Variants in PZP observed in about 807,000 individuals in gnomAD.
The protein encoded by PZP is PZP alpha-2-macroglobulin like.
PZP carries 150 observed loss-of-function variants against 179.8 expected under a neutral mutation model. That is an observed-to-expected ratio of 0.83 (90% CI 0.73 to 0.96). The LOEUF is 0.96. Among genes scored for constraint, PZP ranks in the 40% least tolerant of loss-of-function variants. PZP has a pLI of 0.00. For synonymous variants in PZP, 624 were observed against 652.3 expected (o/e 0.96, Z 0.66); for missense variants, 1,689 against 1,764.0 (o/e 0.96, Z 0.76).
downstream of PZP, among the ~76,000 whole-genome samples, chr12:9,147,405 T>C (rs11611335): frequency 0.032 from 4,843 of 152,304 alleles, 106 homozygotes; most frequent in South Asian, 0.08. Context: ...GGGGCCTCTT[T>C]CTAATTGTAT....
intron 1 of PZP, among the ~76,000 whole-genome samples, chr12:9,206,341 A>T (rs777848400): frequency 2.1e-4 from 32 of 152,002 alleles, no homozygotes; most frequent in Non-Finnish European, 1.6e-4. Flanking sequence ...CATATATTTG[A>T]TATTCTAAAG....
chr12:9,164,481 T>C (rs1941445949), intron 19 of PZP, among the ~76,000 whole-genome samples: 1 of 152,214 alleles, frequency 6.6e-6, no homozygotes, highest in Non-Finnish European at 1.5e-5. Context: ...TAGGGTAGCT[T>C]GTGGACGTGC....
intron 17 of PZP, 28 bp downstream of exon 17, chr12:9,168,841 T>C (rs1445939966): frequency 5.2e-6 from 8 of 1,536,050 alleles, no homozygotes; most frequent in Non-Finnish European, 7.2e-6. Context: ...GGACATGAAA[T>C]AAAATTAAAA....
intron 7 of PZP, 131 bp downstream of exon 7, chr12:9,200,233 T>C: frequency 1.9e-6 from 1 of 533,256 alleles, no homozygotes; most frequent in Non-Finnish European, 3.2e-6. Context: ...AGTAAGTCGT[T>C]AAATAAAGAG....
At chr12:9,155,284 C>A (rs1381205565) in intron 28 of PZP, among the ~76,000 whole-genome samples, 1 of 151,998 alleles carries the variant, frequency 6.6e-6, no homozygotes, top group Non-Finnish European at 1.5e-5. Flanking sequence ...GTTTGTTGTA[C>A]CTCTTTTCTT....
chr12:9,208,361 G>T lies in PZP; in HGVS notation c.-20C>A. On this transcript the variant is annotated 5_prime_UTR_variant, in exon 1 of 36. Coordinates refer to ENST00000261336, the MANE Select transcript of PZP (RefSeq NM_002864.3). Reference sequence around the variant, plus strand: ...CCGCATTGTGAGGGATAAATCTCAGGGTTGTGTCCAACTCTCTGCCCTCAG... The same window carrying T: ...CCGCATTGTGAGGGATAAATCTCAGTGTTGTGTCCAACTCTCTGCCCTCAG... 1 of 1,599,688 alleles carries T rather than the reference G, an allele frequency of 6.3e-7. No homozygotes were observed. Among genetic ancestry groups the T allele is most frequent in the Non-Finnish European group, 8.6e-7 (1 of 1,167,516 alleles).
intron 1 of PZP, among the ~76,000 whole-genome samples, chr12:9,207,054 T>A (rs1944470914): frequency 6.6e-6 from 1 of 152,170 alleles, no homozygotes; most frequent in Non-Finnish European, 1.5e-5. Context: ...GCCAGGAAAT[T>A]GTGCAAGGAA....
At chr12:9,202,461 A>G (rs1223569554) in intron 3 of PZP, 64 bp downstream of exon 3, 4 of 1,612,128 alleles carry the variant, frequency 2.5e-6, no homozygotes, top group Middle Eastern at 1.6e-4. Context: ...AGGATAATGG[A>G]GACTTTGGCT....
intron 11 of PZP, among the ~76,000 whole-genome samples, chr12:9,193,513 C>T (rs1002342967): frequency 2.0e-5 from 3 of 152,122 alleles, no homozygotes; most frequent in Non-Finnish European, 4.4e-5. Flanking sequence ...GAGTGAGTGT[C>T]TATCACATAG....
At chr12:9,143,741 G>A in the PZP span, among the ~76,000 whole-genome samples, 15 of 152,132 alleles carry the variant, frequency 9.9e-5, no homozygotes, top group Admixed American at 4.6e-4. Flanking sequence ...GCCCGGCCAC[G>A]TTGCAATAAA....
chr12:9,180,869 C>A (rs767191409), intron 15 of PZP, 114 bp downstream of exon 15: 18 of 1,189,904 alleles, frequency 1.5e-5, no homozygotes, highest in Non-Finnish European at 1.9e-5. Context: ...AGGCAACCTA[C>A]AAAATGGGAG....
intron 21 of PZP, among the ~76,000 whole-genome samples, chr12:9,163,000 A>G (rs1464200276): frequency 6.6e-6 from 1 of 152,172 alleles, no homozygotes; most frequent in Non-Finnish European, 1.5e-5. Context: ...TGCATCATTC[A>G]GCTCCCACTT....
At chr12:9,204,993 AG>A (rs1176892936) in intron 1 of PZP, among the ~76,000 whole-genome samples, 25 of 152,220 alleles carry the variant, frequency 1.6e-4, no homozygotes, top group African/African-American at 6.0e-4. Context: ...GTTACTCAGG[AG>A]GCTGAGGCAA....
At position 9,160,038 on chromosome 12, in the gene PZP, G is replaced by C. The variant is rs762762028; in HGVS notation, c.3050-13C>G. The stretch of plus-strand genomic sequence containing the variant: ...TGTCTCTGGTAACCTGAAATGGAAG[G>C]CTTCAGATTGTTCATGAAGCATTAA... On this transcript the variant is annotated splice_polypyrimidine_tract_variant and intron_variant, in intron 24 of 35. Transcript: ENST00000261336. 5.0e-6 allele frequency: 8 copies of C among 1,605,492 alleles called. No individual in the cohort carries two copies. The highest frequency in any genetic ancestry group is 1.3e-5 in the African/African-American group (1 of 74,662).
At chr12:9,204,887 G>T (rs939800549) in intron 1 of PZP, among the ~76,000 whole-genome samples, 1 of 152,014 alleles carries the variant, frequency 6.6e-6, no homozygotes, top group Non-Finnish European at 1.5e-5. Flanking sequence ...TTGAGGCCAG[G>T]AGTTTGAGAA....
intron 14 of PZP, among the ~76,000 whole-genome samples, chr12:9,181,627 G>T (rs1462410659): frequency 6.6e-6 from 1 of 152,140 alleles, no homozygotes; most frequent in East Asian, 1.9e-4. Flanking sequence ...TAGATTTTTA[G>T]ATGGCCATCT....
chr12:9,145,495 C>G (rs370172526), downstream of PZP, among the ~76,000 whole-genome samples: 1 of 152,092 alleles, frequency 6.6e-6, no homozygotes, highest in East Asian at 1.9e-4. Context: ...AAATTGATAT[C>G]TATTTTATGT....
At chr12:9,196,260 T>A in intron 10 of PZP, 70 bp downstream of exon 10, 1 of 1,023,216 alleles carries the variant, frequency 9.8e-7, no homozygotes, top group Non-Finnish European at 1.5e-6. Context: ...AAGTGTGGGC[T>A]GCATCATTGT....
At chr12:9,200,868 T>G in intron 6 of PZP, 24 bp downstream of exon 6, 2 of 1,590,346 alleles carry the variant, frequency 1.3e-6, no homozygotes, top group Non-Finnish European at 1.7e-6. Flanking sequence ...ATGTTATGCC[T>G]TTTTCATCTT....
Sources: gnomAD v4.1 joint callset for allele counts (sites outside exome capture counted in the v4.1 genomes callset) on GRCh38, gnomAD v4.1.1 for gene constraint, MANE v1.5 for transcripts, NCBI Gene and HGNC (gene_info 2026-07-23, HGNC 2026-07-21) for gene names.